The following STK31 variants were observed in gnomAD, a reference collection of about 807,000 sequenced individuals.
STK31 encodes the protein serine/threonine-protein kinase 31.
In STK31, 89 loss-of-function variants were observed where a neutral mutation model predicts 129.7. That is an observed-to-expected ratio of 0.69 (90% CI 0.58 to 0.82). STK31 has a LOEUF of 0.82. Ranked by LOEUF, STK31 falls within the 40% of genes least tolerant of loss-of-function variation. STK31 has a pLI of 0.00. For missense variants in STK31, 1,187 were observed against 1,176.4 expected, an observed-to-expected ratio of 1.01 and a Z score of -0.13; for synonymous variants, 448 against 395.3, an observed-to-expected ratio of 1.13 and a Z score of -1.58.
intron 22 of STK31, among the ~76,000 whole-genome samples, chr7:23,808,175 T>TTG (rs61181860): frequency 6.6e-6 from 1 of 150,572 alleles, no homozygotes; most frequent in Non-Finnish European, 1.5e-5. Flanking sequence ...ATATATTTTT[T>TTG]GTAGGCAGCC....
chr7:23,724,919 ATC>A (rs1044379214), intron 4 of STK31, among the ~76,000 whole-genome samples: 10 of 152,206 alleles, frequency 6.6e-5, no homozygotes, highest in African/African-American at 2.4e-4. Context: ...CATAAAATAA[ATC>A]TGTGGATTTG....
intron 22 of STK31, among the ~76,000 whole-genome samples, chr7:23,803,337 G>A (rs1198966175): frequency 6.7e-6 from 1 of 148,520 alleles, no homozygotes; most frequent in East Asian, 2.0e-4. Context: ...GCCATGAAGG[G>A]ATTACTGTCA....
At chr7:23,713,465 T>G (rs563228472) in intron 3 of STK31, among the ~76,000 whole-genome samples, 35 of 152,210 alleles carry the variant, frequency 2.3e-4, no homozygotes, top group Non-Finnish European at 3.2e-4. Context: ...CTACACTAAA[T>G]TTATAAAAAT....
intron 10 of STK31, among the ~76,000 whole-genome samples, chr7:23,754,718 C>G (rs1234533592): frequency 6.6e-6 from 1 of 152,080 alleles, no homozygotes; most frequent in African/African-American, 2.4e-5. Context: ...TCTCAATGTT[C>G]AACTCCCACT....
At chr7:23,730,369 TA>T (rs979690872) in intron 6 of STK31, among the ~76,000 whole-genome samples, 2 of 152,180 alleles carry the variant, frequency 1.3e-5, no homozygotes, top group African/African-American at 2.4e-5. Flanking sequence ...TAGTTACTTA[TA>T]AAAAACATTT....
intron 13 of STK31, among the ~76,000 whole-genome samples, chr7:23,770,469 A>G (rs778314064): frequency 2.0e-5 from 3 of 152,166 alleles, no homozygotes; most frequent in Non-Finnish European, 4.4e-5. Context: ...TTAACAGGTG[A>G]TTTCTAAAAG....
intron 8 of STK31, among the ~76,000 whole-genome samples, chr7:23,740,636 C>T (rs543433412): frequency 6.8e-6 from 1 of 147,882 alleles, no homozygotes; most frequent in Non-Finnish European, 1.5e-5. Context: ...CTAATGCTAT[C>T]CTTCACCACT....
At chr7:23,731,340 A>G (rs534252436) in intron 6 of STK31, among the ~76,000 whole-genome samples, 28 of 152,146 alleles carry the variant, frequency 1.8e-4, no homozygotes, top group Non-Finnish European at 3.4e-4. Context: ...CTCAACTCTA[A>G]TCTTCTATAT....
intron 22 of STK31, among the ~76,000 whole-genome samples, chr7:23,808,661 T>A (rs1792874286): frequency 6.6e-6 from 1 of 152,160 alleles, no homozygotes; most frequent in Non-Finnish European, 1.5e-5. Context: ...CTTCTGCCTC[T>A]GTTGATGGGT....
At chr7:23,774,491 G>C (rs1029217229) in intron 15 of STK31, among the ~76,000 whole-genome samples, 2 of 152,140 alleles carry the variant, frequency 1.3e-5, no homozygotes, top group African/African-American at 4.8e-5. Context: ...GTATGAGATC[G>C]TATCTCACTG....
intron 14 of STK31, 31 bp from the exon 15 acceptor site, chr7:23,772,116 G>A (rs1287109721): frequency 6.8e-7 from 1 of 1,473,930 alleles, no homozygotes; most frequent in African/African-American, 1.4e-5. Flanking sequence ...TTTCTTATGT[G>A]TTTGAAAATA....
At position 23,751,314 on chromosome 7, in the gene STK31, C is replaced by T. The variant is rs375517366; in HGVS notation, c.1018-1403C>T. Among the ~76,000 whole-genome samples the T allele has an allele frequency of 9.9e-5, 15 of 152,226 alleles. No individual in the cohort carries two copies. In the East Asian group the frequency reaches 2.9e-3, roughly 29 times the overall value. On this transcript the variant is annotated intron_variant, in intron 8 of 23. Transcript: ENST00000355870. ...TGTCTTTGATGTTGTGATAGTGCTG[C>T]AGTAAACTTAGGAGTGCATGTTAAT...
At chr7:23,751,648 G>C (rs1157773976) in intron 8 of STK31, among the ~76,000 whole-genome samples, 1 of 152,166 alleles carries the variant, frequency 6.6e-6, no homozygotes, top group Non-Finnish European at 1.5e-5. Context: ...ACTACTGAGA[G>C]AGAAGTACTG....
At chr7:23,732,366 A>G (rs1398712630) in intron 6 of STK31, among the ~76,000 whole-genome samples, 1 of 152,204 alleles carries the variant, frequency 6.6e-6, no homozygotes, top group East Asian at 1.9e-4. Flanking sequence ...AGTGGAAAAT[A>G]TATTTCTTAT....
chr7:23,726,262 CCAGAAGGGATGTTGGTAAAT>C (rs1787062074), intron 4 of STK31: 1 of 151,690 alleles, frequency 6.6e-6, no homozygotes, highest in Non-Finnish European at 1.5e-5. Context: ...TGTCTAGAGG[CCAGAAGGGATGTTGGTAAAT>C]ATCTTACAAT....
At chr7:23,770,629 T>C (rs935803912) in intron 13 of STK31, among the ~76,000 whole-genome samples, 2 of 152,168 alleles carry the variant, frequency 1.3e-5, no homozygotes, top group Non-Finnish European at 2.9e-5. Flanking sequence ...TTGCTTTTTT[T>C]AGAGAGACAG....
chr7:23,807,401 A>T (rs758163376), intron 22 of STK31, among the ~76,000 whole-genome samples: 21 of 152,254 alleles, frequency 1.4e-4, no homozygotes, highest in South Asian at 2.1e-4. Context: ...ATGGTTTCTG[A>T]TGAGAAATTC....
chr7:23,805,845 C>T (rs1792675078), intron 22 of STK31, among the ~76,000 whole-genome samples: 1 of 152,148 alleles, frequency 6.6e-6, no homozygotes, highest in South Asian at 2.1e-4. Context: ...AACATCCTCC[C>T]TTGGTGAGAG....
rs1794618293 is a variant in STK31, at chr7:23,832,429, A to G, written c.*63A>G. ...ACTTTGGTTTGGTTAATACACAGAA[A>G]TATCTAGAAATGTTCTGGGACTAGT... On this transcript the variant is annotated 3_prime_UTR_variant, in exon 24 of 24. Transcript: ENST00000355870. 5.2e-6 allele frequency: 6 copies of G among 1,152,528 alleles called. No homozygotes were observed. Among genetic ancestry groups the G allele is most frequent in the Middle Eastern group, 2.9e-4 (1 of 3,452 alleles). The allele number at this position is 1,152,528 out of a possible 1,614,324, so 71.4% of individuals were successfully genotyped here. A position where few individuals can be genotyped will look rare whatever the true frequency, so the allele number is the denominator to read the frequency against.
Sources: allele counts gnomAD v4.1 joint callset (sites outside exome capture counted in the v4.1 genomes callset), GRCh38; gene constraint gnomAD v4.1.1; transcripts MANE v1.5; gene names NCBI Gene and HGNC (gene_info 2026-07-23, HGNC 2026-07-21).